Variants in E2F6 observed in about 807,000 individuals in gnomAD.
E2F6 encodes transcription factor E2F6.
In E2F6, 19 loss-of-function variants were observed where a neutral mutation model predicts 31.5. The ratio of observed to expected loss-of-function variants is 0.60; its 90% CI spans 0.42 to 0.89. E2F6 has a LOEUF of 0.89. Ranked by LOEUF, E2F6 falls within the 40% of genes least tolerant of loss-of-function variation. E2F6 has a pLI of 0.00. For synonymous variants in E2F6, 121 were observed against 127.7 expected, an observed-to-expected ratio of 0.95 and a Z score of 0.36; for missense variants, 269 against 341.6, an observed-to-expected ratio of 0.79 and a Z score of 1.67.
At chr2:11,462,237 A>G (rs1183556775) in intron 1 of E2F6, among the ~76,000 whole-genome samples, 2 of 152,204 alleles carry the variant, frequency 1.3e-5, no homozygotes, top group African/African-American at 4.8e-5. Context: ...AGAGTAGTCC[A>G]CCCTTATCCC....
intron 2 of E2F6, chr2:11,455,310 G>C: frequency 9.0e-7 from 1 of 1,111,718 alleles, no homozygotes; most frequent in Non-Finnish European, 1.1e-6. Flanking sequence ...GCACACCACA[G>C]TCAGTATGCC....
chr2:11,451,491 C>T, intron 4 of E2F6, 160 bp downstream of exon 4: 1 of 626,686 alleles, frequency 1.6e-6, no homozygotes, highest in Non-Finnish European at 2.5e-6. Flanking sequence ...GCTGGGATTA[C>T]AGCCATGTGT....
At chr2:11,465,175 T>C (rs1223128685) in intron 1 of E2F6, among the ~76,000 whole-genome samples, 10 of 21,958 alleles carry the variant, frequency 4.6e-4, no homozygotes, top group Middle Eastern at 0.022. Context: ...TAAAACTCAA[T>C]CTCAAAAAAA....
chr2:11,458,417 T>C, intron 1 of E2F6: 1 of 1,507,430 alleles, frequency 6.6e-7, no homozygotes, highest in Non-Finnish European at 9.0e-7. Flanking sequence ...TGAAGATGTA[T>C]ATGGCATGGC....
At chr2:11,463,321 C>T (rs970093310) in intron 1 of E2F6, among the ~76,000 whole-genome samples, 2 of 152,186 alleles carry the variant, frequency 1.3e-5, no homozygotes, top group African/African-American at 4.8e-5. Flanking sequence ...TTTACGATGA[C>T]CTAATTCCCC....
At chr2:11,462,870 C>A (rs1303799253) in intron 1 of E2F6, among the ~76,000 whole-genome samples, 1 of 151,936 alleles carries the variant, frequency 6.6e-6, no homozygotes, top group Non-Finnish European at 1.5e-5. Context: ...GTTTGGGGGA[C>A]CACAGGTTAA....
In E2F6 at chr2:11,445,910, T is replaced by G. The variant is rs191583176; in HGVS notation, c.*567A>C. ...CCAGAGGATTCTAATAAGTTATAGG[T>G]ACCAAAGAGATTAGAGAATTTGTCT... On this transcript the variant is annotated 3_prime_UTR_variant, in exon 7 of 7. Transcript: ENST00000381525. 6.6e-6 allele frequency: 1 copy of G among 152,114 alleles called. No individual in the cohort carries two copies. Among genetic ancestry groups the G allele is most frequent in the African/African-American group, 2.4e-5 (1 of 41,286 alleles). The allele number at this position is 152,114 out of a possible 1,614,324, so 9.4% of individuals were successfully genotyped here.
chr2:11,450,519 G>C (rs1449278357), intron 4 of E2F6, among the ~76,000 whole-genome samples: 1 of 151,822 alleles, frequency 6.6e-6, no homozygotes, highest in African/African-American at 2.4e-5. Flanking sequence ...CTATAACTTT[G>C]AGAAAAAACA....
At chr2:11,450,743 C>G (rs1350757773) in intron 4 of E2F6, among the ~76,000 whole-genome samples, 5 of 152,058 alleles carry the variant, frequency 3.3e-5, no homozygotes, top group African/African-American at 1.2e-4. Flanking sequence ...ATTTCTCTAG[C>G]ATTTTTTTTT....
In E2F6 at chr2:11,458,205, G is replaced by A; in HGVS notation, c.109-972C>T. 2.0e-6 allele frequency: 3 copies of A among 1,510,696 alleles called. No homozygotes were observed. The South Asian group carries it at 3.6e-5, about 18-fold the overall frequency. 93.6% of individuals were successfully genotyped at this position (1,510,696 alleles called of 1,614,324 possible). A position where few individuals can be genotyped will look rare whatever the true frequency, so the allele number is the denominator to read the frequency against. ...AAAAACTGGCCATAAAGCAAAACTG[G>A]GGCAAGTGAATTCATAGGTACTCTA... is the stretch of plus-strand genomic sequence containing the variant. On this transcript the variant is annotated intron_variant, in intron 1 of 6. Coordinates refer to ENST00000381525, the MANE Select transcript of E2F6 (RefSeq NM_198256.4).
chr2:11,464,467 A>C (rs111387478), intron 1 of E2F6, among the ~76,000 whole-genome samples: 7,133 of 147,280 alleles, frequency 0.048, 526 homozygotes, highest in African/African-American at 0.16. Flanking sequence ...CAGTGAACCG[A>C]GATCAGGCCA....
chr2:11,462,077 A>G (rs1671815644), intron 1 of E2F6, among the ~76,000 whole-genome samples: 1 of 152,182 alleles, frequency 6.6e-6, no homozygotes, highest in Non-Finnish European at 1.5e-5. Context: ...TAATCAGATT[A>G]AAGAATCAAT....
In E2F6 at chr2:11,450,182, A is replaced by C. The variant is rs555220521; in HGVS notation, c.537-56T>G. 3.3e-5 allele frequency: 38 copies of C among 1,158,326 alleles called. No homozygotes were observed. In the East Asian group the frequency reaches 9.7e-4, roughly 29 times the overall value. The allele number at this position is 1,158,326 out of a possible 1,614,324, so 71.8% of individuals were successfully genotyped here. A position where few individuals can be genotyped will look rare whatever the true frequency, so the allele number is the denominator to read the frequency against. ...ATGCTGTTTACTGGGGAGGTAATTT[A>C]TCTCTAGTAATTCAGTTAACGCAAG... is the stretch of plus-strand genomic sequence containing the variant. On this transcript the variant is annotated intron_variant, in intron 4 of 6. Coordinates refer to ENST00000381525, the MANE Select transcript of E2F6 (RefSeq NM_198256.4).
intron 1 of E2F6, among the ~76,000 whole-genome samples, chr2:11,462,647 G>A (rs759502356): frequency 1.7e-4 from 26 of 152,070 alleles, no homozygotes; most frequent in Admixed American, 3.3e-4. Context: ...AGAAAATAAG[G>A]GCTACTTAAC....
In E2F6 at chr2:11,450,053, C is replaced by A; in HGVS notation, c.610G>T (p.Ala204Ser). The change falls in exon 5 of 7, where the codon GCT (alanine) becomes TCT (serine). Residue 204 changes from alanine to serine, a missense_variant. Ala to Ser is a moderately conservative substitution (Grantham distance 99). Coordinates refer to ENST00000381525, the MANE Select transcript of E2F6 (RefSeq NM_198256.4). ...ACATCCAATCTGGTTTCTGCTGGAGCTTTAACTGCAATGACGATCTGTTCA... is the reference window on the plus strand; with the variant it reads ...ACATCCAATCTGGTTTCTGCTGGAGATTTAACTGCAATGACGATCTGTTCA... ...FHEQIVIAVK[A>S]PAETRLDVPA... 6.2e-7 allele frequency: 1 copy of A among 1,613,700 alleles called. No homozygotes were observed. The highest frequency in any genetic ancestry group is 8.5e-7 in the Non-Finnish European group (1 of 1,179,782).
intron 2 of E2F6, among the ~76,000 whole-genome samples, chr2:11,455,732 T>G (rs1440277288): frequency 6.6e-6 from 1 of 152,184 alleles, no homozygotes; most frequent in Non-Finnish European, 1.5e-5. Flanking sequence ...TGAATAGGAT[T>G]ACAGAGGTCT....
intron 1 of E2F6, among the ~76,000 whole-genome samples, chr2:11,461,858 T>C (rs146497906): frequency 3.1e-4 from 47 of 152,344 alleles, no homozygotes; most frequent in Admixed American, 4.6e-4. Flanking sequence ...CCAAAGACAA[T>C]AGGAGCAACC....
chr2:11,458,173 T>C (rs1381587341), intron 1 of E2F6: 19 of 1,171,110 alleles, frequency 1.6e-5, no homozygotes, highest in African/African-American at 6.1e-5. Flanking sequence ...TTAGCTCTTA[T>C]CTAAGAAAAA....
intron 1 of E2F6, among the ~76,000 whole-genome samples, chr2:11,461,631 G>A (rs1671789016): frequency 6.6e-6 from 1 of 152,238 alleles, no homozygotes; most frequent in Non-Finnish European, 1.5e-5. Context: ...GGGATTACAG[G>A]CATGAGCCAC....
Sources: allele counts gnomAD v4.1 joint callset (sites outside exome capture counted in the v4.1 genomes callset), GRCh38; gene constraint gnomAD v4.1.1; transcripts MANE v1.5; gene names NCBI Gene and HGNC (gene_info 2026-07-23, HGNC 2026-07-21).